CCDC154: variants seen among roughly 807,000 people sequenced by gnomAD.
CCDC154 encodes the protein coiled-coil domain-containing protein 154.
Under a neutral mutation model 87.5 loss-of-function variants are expected in CCDC154, and 91 were observed. That is an observed-to-expected ratio of 1.04 (90% confidence interval 0.88 to 1.24). The LOEUF is 1.24. CCDC154 is among the 50% of genes most tolerant of loss of function. The pLI, the probability that CCDC154 is intolerant of heterozygous loss-of-function variation, is 0.00. For synonymous variants in CCDC154, 418 were observed against 400.4 expected, an observed-to-expected ratio of 1.04 and a Z score of -0.52; for missense variants, 903 against 879.2, an observed-to-expected ratio of 1.03 and a Z score of -0.34.
intron 6 of CCDC154, chr16:1,439,395 G>A (rs2038531590): frequency 2.0e-6 from 1 of 491,696 alleles, no homozygotes; most frequent in Non-Finnish European, 3.6e-6. Flanking sequence ...CCACCACCGA[G>A]GCTGCCCAGG....
Position 1,438,191 on chromosome 16 carries a change from C to T in CCDC154, c.1026-15G>A. The T allele has an allele frequency of 6.6e-7, 1 of 1,516,922 alleles. No homozygotes were observed. The allele number at this position is 1,516,922 out of a possible 1,614,324, so 94.0% of individuals were successfully genotyped here. On this transcript the variant is annotated splice_polypyrimidine_tract_variant and intron_variant, in intron 9 of 16. Transcript: ENST00000389176. ...CCTTGGCGTCCCTAGGGGTTGGGGA[C>T]ACATAGACACCCTCAGTGGAGCCTG...
At chr16:1,435,365 C>G (rs905731641) in intron 14 of CCDC154, 190 bp from the exon 15 acceptor site, 5 of 619,176 alleles carry the variant, frequency 8.1e-6, no homozygotes, top group Middle Eastern at 8.2e-4. Context: ...CTGAGAGTGG[C>G]CCTGCGGGGA....
intron 4 of CCDC154, 129 bp from the exon 5 acceptor site, chr16:1,443,104 C>T: frequency 7.4e-7 from 1 of 1,357,282 alleles, no homozygotes; most frequent in Non-Finnish European, 1.0e-6. Flanking sequence ...GCCGCCCAGG[C>T]ACGTACAAAC....
intron 16 of CCDC154, 46 bp downstream of exon 16, chr16:1,434,622 C>G: frequency 6.5e-7 from 1 of 1,537,010 alleles, no homozygotes; most frequent in Non-Finnish European, 8.7e-7. Context: ...GCCCTGAACC[C>G]CGGCCCAAAG....
intron 4 of CCDC154, 81 bp from the exon 5 acceptor site, chr16:1,443,056 C>T (rs2038569286): frequency 6.7e-7 from 1 of 1,486,756 alleles, no homozygotes; most frequent in African/African-American, 1.4e-5. Flanking sequence ...CAAGGGGCCC[C>T]TGTGGCCACC....
intron 6 of CCDC154, among the ~76,000 whole-genome samples, chr16:1,441,020 A>G (rs549550423): frequency 6.6e-6 from 1 of 151,482 alleles, no homozygotes; most frequent in East Asian, 2.0e-4. Context: ...TGGGAAGGCT[A>G]AGGCAAGAGG....
At position 1,436,535 on chromosome 16, in the gene CCDC154, C is replaced by G. The variant is rs763994634; in HGVS notation, c.1411-14G>C. The G allele has an allele frequency of 4.5e-6, 7 of 1,548,140 alleles. No homozygotes were observed. In the Admixed American group the frequency reaches 9.8e-5, roughly 22 times the overall value. Reference sequence around the variant, plus strand: ...GACACTCTCTATCTGAACACAGAGCCGGGAGCGGCGGGCAGCCCCAGGGCG... The same window carrying G: ...GACACTCTCTATCTGAACACAGAGCGGGGAGCGGCGGGCAGCCCCAGGGCG... On this transcript the variant is annotated splice_polypyrimidine_tract_variant and intron_variant, in intron 12 of 16. Transcript: ENST00000389176.
rs2038528413 is a variant in CCDC154 at position 1,439,071 on chromosome 16, G to C, written c.731C>G (p.Ala244Gly). 1.3e-6 allele frequency: 2 copies of C among 1,550,146 alleles called. No homozygotes were observed. Among genetic ancestry groups the C allele is most frequent in the African/African-American group, 1.4e-5 (1 of 73,050 alleles). Residue 244 changes from alanine (A) to glycine (G), a missense_variant, in exon 7 of 17, where the codon GCC becomes GGC. Ala to Gly is a moderately conservative substitution (Grantham distance 60). Transcript: ENST00000389176. Reference protein sequence around the residue: ...EVSLRFLKREAKLCGFLQKSF... With the variant: ...EVSLRFLKREGKLCGFLQKSF... ...CTTCTGCAGGAAGCCGCACAGCTTG[G>C]CCTCCCTCTTCAGGAAGCGCAGGCT... is the stretch of plus-strand genomic sequence containing the variant.
Position 1,434,831 on chromosome 16 carries a change from G to C in CCDC154, c.1714C>G (p.Leu572Val), listed in dbSNP as rs1567256396. ...CACAGCCGGAGCACACTCTCCCACA[G>C]GGTGGCCATCTCCTGCGTGCGCTGT... ...ARLRTQEMAT[L>V]WESVLRLWSE... Residue 572 changes from leucine to valine, a missense_variant, in exon 16 of 17, where the codon CTG (leucine) becomes GTG (valine). Coordinates refer to ENST00000389176, the MANE Select transcript of CCDC154 (RefSeq NM_001143980.3). 1 of 1,523,198 alleles carries C rather than the reference G, an allele frequency of 6.6e-7. No individual in the cohort carries two copies. Among genetic ancestry groups the C allele is most frequent in the Non-Finnish European group, 8.8e-7 (1 of 1,137,608 alleles). The allele number at this position is 1,523,198 out of a possible 1,614,324, so 94.4% of individuals were successfully genotyped here.
intron 13 of CCDC154, 33 bp from the exon 14 acceptor site, chr16:1,436,119 G>T: frequency 6.6e-7 from 1 of 1,524,914 alleles, no homozygotes. Context: ...CTGGCTGTCG[G>T]GTGTGCTCGG....
chr16:1,438,163 G>T lies in CCDC154; in HGVS notation c.1039C>A (p.Arg347Ser). ...TCCCCAGCCCGGCTTTCCTCCAAGC[G>T]CCCCTTGGCGTCCCTAGGGGTTGGG... ...AEEKAWDAKG[R>S]LEESRAGELA... is the part of the protein sequence containing the mutation. Residue 347 changes from arginine to serine, a missense_variant, in exon 10 of 17, where the codon CGC becomes AGC. Physicochemically the swap from Arg to Ser is moderately radical, Grantham distance 110. Transcript: ENST00000389176. The T allele has an allele frequency of 1.3e-6, 2 of 1,543,142 alleles. No individual in the cohort carries two copies. Among genetic ancestry groups the T allele is most frequent in the Non-Finnish European group, 8.7e-7 (1 of 1,143,052 alleles).
chr16:1,444,104 G>A (rs556612279), intron 1 of CCDC154, 92 bp from the exon 2 acceptor site: 9 of 1,095,210 alleles, frequency 8.2e-6, no homozygotes, highest in African/African-American at 8.1e-5. Flanking sequence ...CAGGACCCTC[G>A]CCCACCACCC....
intron 1 of CCDC154, 77 bp from the exon 2 acceptor site, chr16:1,444,089 C>T: frequency 8.8e-7 from 1 of 1,142,590 alleles, no homozygotes; most frequent in Non-Finnish European, 1.2e-6. Flanking sequence ...GGCCCCAAAC[C>T]CCCGCAGGAC....
At chr16:1,442,347 G>A (rs1052738416) in intron 6 of CCDC154, 59 bp downstream of exon 6, 12 of 1,496,086 alleles carry the variant, frequency 8.0e-6, no homozygotes, top group Non-Finnish European at 1.1e-5. Flanking sequence ...GGCCGAGAGG[G>A]TTAGGGTCTC....
chr16:1,435,658 T>C (rs575429076), intron 14 of CCDC154, among the ~76,000 whole-genome samples: 1 of 152,234 alleles, frequency 6.6e-6, no homozygotes, highest in Non-Finnish European at 1.5e-5. Context: ...CCCGAGTAAC[T>C]GGGACTACAG....
chr16:1,444,144 A>G lies in CCDC154; in HGVS notation c.8-132T>C, dbSNP rs1360339221. On this transcript the variant is annotated intron_variant, in intron 1 of 16. Coordinates refer to ENST00000389176, the MANE Select transcript of CCDC154 (RefSeq NM_001143980.3). ...CTCAACGCGTCTCCTTGGGTCACAC[A>G]GGATCCAGACGGGCTTGGCTCAGAC... 4 of 1,010,026 alleles carry G rather than the reference A, an allele frequency of 4.0e-6. No homozygotes were observed. The East Asian group carries it at 1.8e-4, about 46-fold the overall frequency. 62.6% of individuals were successfully genotyped at this position (1,010,026 alleles called of 1,614,324 possible).
intron 6 of CCDC154, 87 bp downstream of exon 6, chr16:1,442,319 G>A (rs766782134): frequency 1.5e-4 from 212 of 1,372,248 alleles, no homozygotes; most frequent in Non-Finnish European, 1.9e-4. Context: ...GTGAACGGCC[G>A]CTGTATCGGA....
At chr16:1,437,796 C>G (rs1421364508) in intron 11 of CCDC154, 21 bp downstream of exon 11, 1 of 1,518,600 alleles carries the variant, frequency 6.6e-7, no homozygotes, top group Non-Finnish European at 8.8e-7. Flanking sequence ...CCCGCCTGCC[C>G]CCGCCCGCTG....
chr16:1,441,203 G>A (rs1041319232), intron 6 of CCDC154, among the ~76,000 whole-genome samples: 3 of 152,210 alleles, frequency 2.0e-5, no homozygotes, highest in African/African-American at 4.8e-5. Flanking sequence ...AAAGGCAGAC[G>A]CCCTCATGAG....
Sources: gnomAD v4.1 joint callset for allele counts (sites outside exome capture counted in the v4.1 genomes callset) on GRCh38, gnomAD v4.1.1 for gene constraint, MANE v1.5 for transcripts, NCBI Gene and HGNC (gene_info 2026-07-23, HGNC 2026-07-21) for gene names.